Variants in GTPBP1 observed in about 807,000 individuals in gnomAD.
GTPBP1 encodes GTP-binding protein 1.
Under a neutral mutation model 62.0 loss-of-function variants are expected in GTPBP1, and 23 were observed. That is an observed-to-expected ratio of 0.37 (90% CI 0.27 to 0.53). The LOEUF (loss-of-function observed/expected upper bound fraction) is 0.53. Ranked by LOEUF, GTPBP1 falls within the 20% of genes least tolerant of loss-of-function variation. The pLI is 0.89. For missense variants in GTPBP1, 640 were observed against 917.3 expected (o/e 0.70, Z 3.90); for synonymous variants, 344 against 364.4 (o/e 0.94, Z 0.64).
chr22:38,719,808 C>T (rs1010305980), intron 4 of GTPBP1, among the ~76,000 whole-genome samples: 7 of 152,008 alleles, frequency 4.6e-5, no homozygotes, highest in African/African-American at 1.7e-4. Context: ...TACCTAATAT[C>T]CTCAAATATT....
downstream of GTPBP1, chr22:38,738,107 C>T (rs2092822276): frequency 2.7e-6 from 4 of 1,455,042 alleles, no homozygotes; most frequent in East Asian, 9.1e-5. This position sits in a 1 kb window ranked among gnomAD's most constrained non-coding sequence, Gnocchi z 6.6. Flanking sequence ...GGTAAGTGCC[C>T]AGGGAGCACC....
At chr22:38,719,739 G>T (rs1489202006) in intron 4 of GTPBP1, among the ~76,000 whole-genome samples, 2 of 151,492 alleles carry the variant, frequency 1.3e-5, no homozygotes, top group Non-Finnish European at 2.9e-5. Flanking sequence ...TCAGCATACA[G>T]CTCCTAAAAG....
intron 1 of GTPBP1, chr22:38,706,417 G>A (rs1394126915): frequency 3.4e-6 from 1 of 296,714 alleles, no homozygotes. Context: ...GTAACCCCTC[G>A]GCTCTGCCAC....
Position 38,726,475 on chromosome 22 carries a change from C to G in GTPBP1, c.1401+35C>G, listed in dbSNP as rs1192030507. The G allele has an allele frequency of 5.1e-6, 8 of 1,568,996 alleles. No homozygotes were observed. The highest frequency in any genetic ancestry group is 7.0e-6 in the Non-Finnish European group (8 of 1,143,080). On this transcript the variant is annotated intron_variant, in intron 8 of 11. Transcript: ENST00000216044. The surrounding 1 kb of genome is among the most constrained non-coding windows in gnomAD (Gnocchi z 4.1). ...GATGATACTGAACGCTCCCCTCAGA[C>G]TCCATCATGCTAGGCTCTTGGCCAG...
chr22:38,711,405 T>C (rs1260308557), intron 2 of GTPBP1, among the ~76,000 whole-genome samples: 2 of 152,200 alleles, frequency 1.3e-5, no homozygotes, highest in East Asian at 3.8e-4. Flanking sequence ...GGGATAATAA[T>C]GGAATCTCTC....
chr22:38,739,035 G>A (rs2092831851), downstream of GTPBP1: 4 of 1,547,860 alleles, frequency 2.6e-6, no homozygotes, highest in Non-Finnish European at 3.5e-6. The surrounding 1 kb of genome is among the most constrained non-coding windows in gnomAD (Gnocchi z 6.7). Flanking sequence ...CGGGAGGAGG[G>A]CCCCGCTCAG....
chr22:38,716,072 A>G lies in GTPBP1; in HGVS notation c.470A>G (p.Asp157Gly). 1 of 1,600,276 alleles carries G rather than the reference A, an allele frequency of 6.2e-7. No individual in the cohort carries two copies. Among genetic ancestry groups the G allele is most frequent in the East Asian group, 2.3e-5 (1 of 44,010 alleles). ...YLVRKRVGDNDFLEVRVAVVG... is the reference protein window; with the variant it reads ...YLVRKRVGDNGFLEVRVAVVG... ...GTCCGGAAACGAGTAGGAGACAATGACTTCCTGGAGGTCAGGTGAGGAGGC... is the reference window on the plus strand; with the variant it reads ...GTCCGGAAACGAGTAGGAGACAATGGCTTCCTGGAGGTCAGGTGAGGAGGC... Residue 157 changes from aspartate to glycine, a missense_variant, in exon 3 of 12, where the codon GAC (aspartate) becomes GGC (glycine). Physicochemically the swap from Asp to Gly is moderately conservative, Grantham distance 94. Around this residue, in one of 4 missense-constraint regions of GTPBP1, gnomAD observed 215 missense variants for 235.1 expected, o/e 0.91. Coordinates refer to ENST00000216044, the MANE Select transcript of GTPBP1 (RefSeq NM_004286.5). The surrounding 1 kb of genome is among the most constrained non-coding windows in gnomAD (Gnocchi z 5.2).
chr22:38,725,591 T>C lies in GTPBP1; in HGVS notation c.1074-415T>C, dbSNP rs1251656340. Among the ~76,000 whole-genome samples, 4 of 152,112 alleles carry C rather than the reference T, an allele frequency of 2.6e-5. 1 individual carries two copies. The highest frequency in any genetic ancestry group is 2.6e-4 in the Admixed American group (4 of 15,276). On this transcript the variant is annotated intron_variant, in intron 6 of 11. Transcript: ENST00000216044. Reference sequence around the variant, plus strand: ...AATATAGGAATTTGCGAGAAGTGAATCTGCAGAGATGGCTACAAGCCCAAG... The same window carrying C: ...AATATAGGAATTTGCGAGAAGTGAACCTGCAGAGATGGCTACAAGCCCAAG...
Position 38,726,384 on chromosome 22 carries a change from C to T in GTPBP1, c.1345C>T (p.Arg449Cys), listed in dbSNP as rs2092726860. 6 of 1,613,864 alleles carry T rather than the reference C, an allele frequency of 3.7e-6. No homozygotes were observed. Among genetic ancestry groups the T allele is most frequent in the Admixed American group, 1.7e-5 (1 of 59,986 alleles). The change falls in exon 8 of 12, where the codon CGC becomes TGC. Residue 449 changes from arginine to cysteine, a missense_variant. By Grantham distance (180) the Arg-to-Cys change is radical (BLOSUM62 -3). Coordinates refer to ENST00000216044, the MANE Select transcript of GTPBP1 (RefSeq NM_004286.5). This position sits in a 1 kb window ranked among gnomAD's most constrained non-coding sequence, Gnocchi z 4.1. Reference sequence around the variant, plus strand: ...TGCTGTCAAATCCATCCATCGCAAGCGCATGCCTGTCAAGGAGGTGCGGGG... The same window carrying T: ...TGCTGTCAAATCCATCCATCGCAAGTGCATGCCTGTCAAGGAGGTGCGGGG... ...SIAVKSIHRK[R>C]MPVKEVRGGQ...
chr22:38,714,195 G>A (rs1373747038), intron 2 of GTPBP1, among the ~76,000 whole-genome samples: 5 of 151,994 alleles, frequency 3.3e-5, no homozygotes, highest in African/African-American at 2.4e-5. Context: ...CCACTGGTGG[G>A]CCAGGCATGA....
chr22:38,724,507 G>T, intron 6 of GTPBP1, 96 bp downstream of exon 6: 1 of 730,160 alleles, frequency 1.4e-6, no homozygotes, highest in Non-Finnish European at 2.5e-6. Context: ...TGGGCATAAG[G>T]TCTCATGAAA....
intron 6 of GTPBP1, 30 bp from the exon 7 acceptor site, chr22:38,725,976 T>A (rs2145877516): frequency 6.2e-7 from 1 of 1,609,148 alleles, no homozygotes; most frequent in East Asian, 2.2e-5. Context: ...GCCTCTCTCC[T>A]TTTTTCCTTC....
chr22:38,726,575 A>G lies in GTPBP1; in HGVS notation c.1401+135A>G. The G allele has an allele frequency of 1.4e-6, 1 of 731,780 alleles. No homozygotes were observed. The highest frequency in any genetic ancestry group is 2.3e-6 in the Non-Finnish European group (1 of 443,004). The allele number at this position is 731,780 out of a possible 1,614,324, so 45.3% of individuals were successfully genotyped here. A position where few individuals can be genotyped will look rare whatever the true frequency, so the allele number is the denominator to read the frequency against. ...ATTACTGGCTTCATTTTTACAGATG[A>G]GGAAACTGAGGCTCAGAGCCCAGGG... On this transcript the variant is annotated intron_variant, in intron 8 of 11. Coordinates refer to ENST00000216044, the MANE Select transcript of GTPBP1 (RefSeq NM_004286.5). The surrounding 1 kb of genome is among the most constrained non-coding windows in gnomAD (Gnocchi z 4.1).
In GTPBP1 at chr22:38,726,018, A is replaced by G. The variant is rs763485860; in HGVS notation, c.1086A>G (p.Ile362Met). ...TCCCTCTGCTTAGGATGTGCCCGATATTCCAGATCTCCAACGTTACAGGCG... is the reference window on the plus strand; with the variant it reads ...TCCCTCTGCTTAGGATGTGCCCGATGTTCCAGATCTCCAACGTTACAGGCG... ...SNFSSERMCPIFQISNVTGEN... is the reference protein window; with the variant it reads ...SNFSSERMCPMFQISNVTGEN... Residue 362 changes from isoleucine (I) to methionine (M), a missense_variant, in exon 7 of 12, where the codon ATA (isoleucine) becomes ATG (methionine). Around this residue, in one of 4 missense-constraint regions of GTPBP1, gnomAD observed 220 missense variants for 358.1 expected, o/e 0.61. Coordinates refer to ENST00000216044, the MANE Select transcript of GTPBP1 (RefSeq NM_004286.5). The surrounding 1 kb of genome is among the most constrained non-coding windows in gnomAD (Gnocchi z 4.1). 1.2e-6 allele frequency: 2 copies of G among 1,613,950 alleles called. No homozygotes were observed. Among genetic ancestry groups the G allele is most frequent in the East Asian group, 4.5e-5 (2 of 44,882 alleles).
At chr22:38,733,927 C>CTTGT (rs1170889237), downstream of GTPBP1, among the ~76,000 whole-genome samples, 3 of 152,190 alleles carry the variant, frequency 2.0e-5, no homozygotes, top group Non-Finnish European at 4.4e-5. Context: ...CTTCCAGGGG[C>CTTGT]TTGTTTATTG....
rs1179296670 is a variant in GTPBP1 at position 38,730,719 on chromosome 22, C to T, written c.*15C>T. 2.8e-6 allele frequency: 4 copies of T among 1,406,960 alleles called. No homozygotes were observed. The highest frequency in any genetic ancestry group is 9.8e-7 in the Non-Finnish European group (1 of 1,017,120). 87.2% of individuals were successfully genotyped at this position (1,406,960 alleles called of 1,614,324 possible). On this transcript the variant is annotated 3_prime_UTR_variant, in exon 12 of 12. Transcript: ENST00000216044. This position sits in a 1 kb window ranked among gnomAD's most constrained non-coding sequence, Gnocchi z 5.6. ...GCGGCTGCTGAACCTTCCCCTGGCC[C>T]ACCCTCACCACCCAAGGGGTCATCA... is the stretch of plus-strand genomic sequence containing the variant.
downstream of GTPBP1, chr22:38,739,341 C>T: frequency 6.2e-7 from 1 of 1,613,030 alleles, no homozygotes; most frequent in Non-Finnish European, 8.5e-7. This position sits in a 1 kb window ranked among gnomAD's most constrained non-coding sequence, Gnocchi z 6.7. Context: ...AGAGCACGTA[C>T]CTCCTGACTC....
At position 38,730,227 on chromosome 22, in the gene GTPBP1, C is replaced by T. The variant is rs1403668670; in HGVS notation, c.1918-385C>T. The stretch of plus-strand genomic sequence containing the variant: ...CTCCCCAGCATCTTTCTCCATTGTC[C>T]CCTCATTGGAAAAGGAGGCTATGCC... On this transcript the variant is annotated intron_variant, in intron 11 of 11. Transcript: ENST00000216044. The surrounding 1 kb of genome is among the most constrained non-coding windows in gnomAD (Gnocchi z 5.6). 5.9e-5 allele frequency among the ~76,000 whole-genome samples: 9 copies of T among 152,210 alleles called. No homozygotes were observed. The East Asian group carries it at 1.7e-3, about 29-fold the overall frequency.
chr22:38,741,867 G>A (rs574364355), downstream of GTPBP1, among the ~76,000 whole-genome samples: 39 of 152,364 alleles, frequency 2.6e-4, no homozygotes, highest in Middle Eastern at 3.4e-3. Flanking sequence ...GAGGCCTGGC[G>A]TGGTGGCTCA....
Sources: gnomAD v4.1 joint callset for allele counts (sites outside exome capture counted in the v4.1 genomes callset) on GRCh38, gnomAD v4.1.1 for gene constraint, gnomAD v4.1.1 regional missense constraint, Gnocchi (gnomAD v3.1) non-coding constraint, MANE v1.5 for transcripts, NCBI Gene and HGNC (gene_info 2026-07-23, HGNC 2026-07-21) for gene names.